NAA11: variants seen among roughly 807,000 people sequenced by gnomAD.
NAA11 encodes the protein N-alpha-acetyltransferase 11, NatA catalytic subunit.
NAA11 carries 15 observed loss-of-function variants against 16.1 expected under a neutral mutation model. That is an observed-to-expected ratio of 0.93 (90% CI 0.62 to 1.44). NAA11 has a LOEUF of 1.44. Ranked by LOEUF, NAA11 falls within the 40% of genes most tolerant of loss-of-function variation. The probability of loss-of-function intolerance (pLI) is 0.00; values close to 1 mark genes in which losing one functional copy is unlikely to be tolerated. For synonymous variants in NAA11, 122 were observed against 112.4 expected (o/e 1.09, Z -0.54); for missense variants, 298 against 291.3 (o/e 1.02, Z -0.17).
At position 79,277,940 on chromosome 4, in the gene NAA11, A is replaced by T. The variant is rs528207705; in HGVS notation, c.*122+16065T>A. 4.9e-4 allele frequency among the ~76,000 whole-genome samples: 73 copies of T among 148,690 alleles called. No individual in the cohort carries two copies. The Middle Eastern group carries it at 0.014, about 28-fold the overall frequency. On this transcript the variant is annotated intron_variant and NMD_transcript_variant, in intron 2 of 2. Coordinates refer to the NAA11 transcript ENST00000511542. ...CTTGCTGAAAATTAAAAAGAAAATT[A>T]AAAAAAAAAGAAGAAGAAAATGAAC...
At chr4:79,279,352 C>T (rs1722735491) in intron 2 of NAA11, among the ~76,000 whole-genome samples, 1 of 151,994 alleles carries the variant, frequency 6.6e-6, no homozygotes, top group African/African-American at 2.4e-5. Flanking sequence ...ATGTAACTTG[C>T]TTTAGGTTAC....
intron 2 of NAA11, among the ~76,000 whole-genome samples, chr4:79,271,412 C>T (rs184779310): frequency 6.6e-6 from 1 of 151,660 alleles, no homozygotes; most frequent in Non-Finnish European, 1.5e-5. Context: ...ATTCCATGCT[C>T]ATGGGTAGGA....
At chr4:79,177,647 T>C in the NAA11 span, among the ~76,000 whole-genome samples, 26 of 152,226 alleles carry the variant, frequency 1.7e-4, no homozygotes, top group African/African-American at 6.0e-4. Flanking sequence ...TTGTTTTGTA[T>C]CCCATGAGAT....
chr4:79,302,027 T>A (rs948303822), intron 1 of NAA11, among the ~76,000 whole-genome samples: 26 of 152,174 alleles, frequency 1.7e-4, no homozygotes, highest in African/African-American at 6.3e-4. Context: ...ATTTAGTTGG[T>A]TTATTTGGCC....
intron 1 of NAA11, chr4:79,305,073 C>T (rs546695848): frequency 6.6e-6 from 1 of 152,322 alleles, no homozygotes. Flanking sequence ...TAGCAGTCGC[C>T]TGTCTTCATG....
At chr4:79,224,700 C>T (rs1367469120), downstream of NAA11, among the ~76,000 whole-genome samples, 1 of 151,934 alleles carries the variant, frequency 6.6e-6, no homozygotes, top group East Asian at 1.9e-4. Flanking sequence ...TGTGGTGAGT[C>T]TGAGCAATGT....
At chr4:79,179,378 TA>T in the NAA11 span, among the ~76,000 whole-genome samples, 1 of 152,182 alleles carries the variant, frequency 6.6e-6, no homozygotes, top group African/African-American at 2.4e-5. Context: ...AAGCTATTTT[TA>T]AGGCAGTGAT....
intron 1 of NAA11, among the ~76,000 whole-genome samples, chr4:79,297,985 TG>T (rs1014906036): frequency 6.6e-6 from 1 of 152,158 alleles, no homozygotes; most frequent in African/African-American, 2.4e-5. Flanking sequence ...TCCTCCCCAC[TG>T]AGGCTGATAA....
At chr4:79,240,658 A>T (rs879419303) in intron 2 of NAA11, among the ~76,000 whole-genome samples, 1 of 152,204 alleles carries the variant, frequency 6.6e-6, no homozygotes, top group African/African-American at 2.4e-5. Flanking sequence ...GAGACTGCCA[A>T]CTAGTCATTT....
chr4:79,185,495 G>A, the NAA11 span, among the ~76,000 whole-genome samples: 1 of 152,180 alleles, frequency 6.6e-6, no homozygotes, highest in Non-Finnish European at 1.5e-5. Context: ...ATATTTGGGA[G>A]TGGAGTTTGG....
chr4:79,234,107 A>G (rs1343274425), intron 2 of NAA11, among the ~76,000 whole-genome samples: 1 of 152,122 alleles, frequency 6.6e-6, no homozygotes, highest in African/African-American at 2.4e-5. Context: ...TTTGCCAGAA[A>G]AGATAAGACC....
the NAA11 span, among the ~76,000 whole-genome samples, chr4:79,220,469 GTT>G: frequency 6.8e-6 from 1 of 147,080 alleles, no homozygotes; most frequent in South Asian, 2.1e-4. Context: ...GTGTGTGTGT[GTT>G]GAATTTCTAT....
chr4:79,163,793 G>A, the NAA11 span, among the ~76,000 whole-genome samples: 2 of 152,246 alleles, frequency 1.3e-5, no homozygotes, highest in South Asian at 4.2e-4. Context: ...TCTGTCAGGG[G>A]TTTGCAGGAG....
At chr4:79,159,565 A>G in the NAA11 span, among the ~76,000 whole-genome samples, 1 of 152,192 alleles carries the variant, frequency 6.6e-6, no homozygotes, top group Non-Finnish European at 1.5e-5. Context: ...ACCATGATCT[A>G]TTTCCAAAAC....
chr4:79,162,311 G>A, the NAA11 span, among the ~76,000 whole-genome samples: 1 of 152,172 alleles, frequency 6.6e-6, no homozygotes, highest in Non-Finnish European at 1.5e-5. Context: ...GATCTGAAAG[G>A]TAAGTGTTGA....
rs1042774279 is a variant in NAA11, at chr4:79,243,984, G to A, written c.*123-17714C>T. ...ATTGAGCATGCGCAGTGTGTTTAGA[G>A]AGTTATAGGCATGCCCAACTGAGGC... On this transcript the variant is annotated intron_variant and NMD_transcript_variant, in intron 2 of 2. Transcript: ENST00000511542. 2.0e-5 allele frequency among the ~76,000 whole-genome samples: 3 copies of A among 152,232 alleles called. No individual in the cohort carries two copies. The South Asian group carries it at 6.2e-4, about 32-fold the overall frequency.
At chr4:79,194,785 T>C in the NAA11 span, among the ~76,000 whole-genome samples, 2 of 152,162 alleles carry the variant, frequency 1.3e-5, no homozygotes, top group Non-Finnish European at 2.9e-5. Context: ...GTTGCAGATA[T>C]TGATTTATCT....
At chr4:79,222,208 G>A (rs1371665758), downstream of NAA11, among the ~76,000 whole-genome samples, 1 of 152,142 alleles carries the variant, frequency 6.6e-6, no homozygotes, top group African/African-American at 2.4e-5. Context: ...ATTTCTGTGG[G>A]ATCGGTGGTG....
chr4:79,323,664 C>CA (rs1724169652), intron 1 of NAA11, among the ~76,000 whole-genome samples: 1 of 151,866 alleles, frequency 6.6e-6, no homozygotes, highest in Admixed American at 6.6e-5. Context: ...ACTAAAAATA[C>CA]AAAAAAATTA....
Sources: gnomAD v4.1 joint callset for allele counts (sites outside exome capture counted in the v4.1 genomes callset) on GRCh38, gnomAD v4.1.1 for gene constraint, MANE v1.5 for transcripts, NCBI Gene and HGNC (gene_info 2026-07-23, HGNC 2026-07-21) for gene names.